Variants in FBXO4 observed in about 807,000 individuals in gnomAD.
FBXO4 encodes F-box only protein 4.
FBXO4 carries 36 observed loss-of-function variants against 43.7 expected under a neutral mutation model. The observed-to-expected ratio is 0.82, with a 90% CI of 0.63 to 1.09. The LOEUF (loss-of-function observed/expected upper bound fraction) is 1.09. Among genes scored for constraint, FBXO4 ranks in the 50% least tolerant of loss-of-function variants. The pLI is 0.00. For synonymous variants in FBXO4, 180 were observed against 165.6 expected, an observed-to-expected ratio of 1.09 and a Z score of -0.67; for missense variants, 435 against 474.1, an observed-to-expected ratio of 0.92 and a Z score of 0.77.
chr5:41,944,036 C>A (rs142879604), downstream of FBXO4, among the ~76,000 whole-genome samples: 1 of 152,240 alleles, frequency 6.6e-6, no homozygotes, highest in East Asian at 1.9e-4. Flanking sequence ...CTTCTAGAGT[C>A]CAGAATTGTG....
the FBXO4 span, among the ~76,000 whole-genome samples, chr5:41,966,157 GCA>G: frequency 6.6e-6 from 1 of 152,112 alleles, no homozygotes; most frequent in African/African-American, 2.4e-5. Context: ...TGGGGTGGGG[GCA>G]AGGGGGAGGA....
At chr5:41,990,706 A>AT in the FBXO4 span, among the ~76,000 whole-genome samples, 11 of 152,168 alleles carry the variant, frequency 7.2e-5, no homozygotes, top group Non-Finnish European at 1.3e-4. Context: ...CATTAATAGC[A>AT]TTTTTATTAG....
chr5:41,998,867 T>G, the FBXO4 span, among the ~76,000 whole-genome samples: 1 of 151,976 alleles, frequency 6.6e-6, no homozygotes, highest in African/African-American at 2.4e-5. Context: ...GATAAGACTC[T>G]CACTCAGGTA....
the FBXO4 span, among the ~76,000 whole-genome samples, chr5:42,022,615 G>A: frequency 1.7e-4 from 26 of 152,022 alleles, no homozygotes; most frequent in African/African-American, 6.3e-4. Flanking sequence ...ACCTCCTAAA[G>A]GTGTCTCTGA....
chr5:41,992,174 A>T, the FBXO4 span, among the ~76,000 whole-genome samples: 4 of 152,132 alleles, frequency 2.6e-5, no homozygotes, highest in Non-Finnish European at 4.4e-5. Flanking sequence ...GTTTATTTAG[A>T]TTTTCTCTAG....
At chr5:42,028,968 A>C in the FBXO4 span, among the ~76,000 whole-genome samples, 2 of 151,916 alleles carry the variant, frequency 1.3e-5, no homozygotes, top group African/African-American at 4.8e-5. Flanking sequence ...ACAGAGGATG[A>C]GTAGTTTACA....
chr5:41,989,228 C>T, the FBXO4 span, among the ~76,000 whole-genome samples: 1 of 152,052 alleles, frequency 6.6e-6, no homozygotes, highest in Non-Finnish European at 1.5e-5. Context: ...CATTGATATA[C>T]TTAATAAGAA....
chr5:41,990,839 A>T, the FBXO4 span, among the ~76,000 whole-genome samples: 1 of 152,154 alleles, frequency 6.6e-6, no homozygotes, highest in Admixed American at 6.5e-5. Flanking sequence ...AACTTCTTTG[A>T]CCTTTTATGG....
At chr5:42,000,571 A>G in the FBXO4 span, among the ~76,000 whole-genome samples, 1 of 152,106 alleles carries the variant, frequency 6.6e-6, no homozygotes, top group Non-Finnish European at 1.5e-5. Flanking sequence ...CTTGCTCTGC[A>G]TAAGATTTTT....
At chr5:42,000,955 A>G in the FBXO4 span, among the ~76,000 whole-genome samples, 6 of 152,178 alleles carry the variant, frequency 3.9e-5, no homozygotes, top group African/African-American at 1.4e-4. Context: ...ATGCCATAGC[A>G]TATATTGTTT....
chr5:42,005,485 T>G, the FBXO4 span, among the ~76,000 whole-genome samples: 1 of 152,292 alleles, frequency 6.6e-6, no homozygotes, highest in African/African-American at 2.4e-5. Flanking sequence ...TATTTTTCCT[T>G]TCTCCACAAG....
At chr5:41,999,460 TG>T in the FBXO4 span, among the ~76,000 whole-genome samples, 1 of 63,636 alleles carries the variant, frequency 1.6e-5, no homozygotes, top group African/African-American at 6.9e-5. Context: ...TGTGTGTGTG[TG>T]TGTGTATATA....
the FBXO4 span, among the ~76,000 whole-genome samples, chr5:41,947,561 G>A: frequency 7.9e-5 from 12 of 152,180 alleles, no homozygotes; most frequent in Non-Finnish European, 4.4e-5. Context: ...GGAGCCCAGA[G>A]GATTGTCCAG....
chr5:42,010,705 T>C, the FBXO4 span, among the ~76,000 whole-genome samples: 1 of 152,128 alleles, frequency 6.6e-6, no homozygotes, highest in Non-Finnish European at 1.5e-5. Context: ...ATCTTAGGTA[T>C]ATACCCTGAA....
chr5:42,009,371 GTGTA>G, the FBXO4 span, among the ~76,000 whole-genome samples: 103 of 116,590 alleles, frequency 8.8e-4, no homozygotes, highest in African/African-American at 2.8e-3. Context: ...TGGAGTGTGT[GTGTA>G]TGTGTGTGTG....
chr5:42,030,879 A>G, the FBXO4 span, among the ~76,000 whole-genome samples: 3 of 152,156 alleles, frequency 2.0e-5, no homozygotes, highest in Non-Finnish European at 4.4e-5. Flanking sequence ...ACTGGCCATC[A>G]GAGAAATGCA....
At chr5:42,007,786 T>C in the FBXO4 span, among the ~76,000 whole-genome samples, 1 of 152,154 alleles carries the variant, frequency 6.6e-6, no homozygotes, top group Non-Finnish European at 1.5e-5. Context: ...AGTAAGAGTA[T>C]CCTACTGGTG....
chr5:41,944,886 G>A (rs748421768), downstream of FBXO4, among the ~76,000 whole-genome samples: 65 of 152,184 alleles, frequency 4.3e-4, no homozygotes, highest in Admixed American at 1.2e-3. Flanking sequence ...GACAGGAAAC[G>A]AAAGAAGCAA....
chr5:41,987,206 A>G, the FBXO4 span, among the ~76,000 whole-genome samples: 6 of 152,268 alleles, frequency 3.9e-5, no homozygotes, highest in South Asian at 2.1e-4. Flanking sequence ...CATTATGTTC[A>G]TTTAGAAAGC....
Sources: allele counts gnomAD v4.1 joint callset (sites outside exome capture counted in the v4.1 genomes callset), GRCh38; gene constraint gnomAD v4.1.1; transcripts MANE v1.5; gene names NCBI Gene and HGNC (gene_info 2026-07-23, HGNC 2026-07-21).